Variants in CLPX observed in about 807,000 individuals in gnomAD.
The protein encoded by CLPX is caseinolytic mitochondrial matrix peptidase chaperone subunit X, also known as ATP-dependent clpX-like chaperone, mitochondrial.
CLPX carries 34 observed loss-of-function variants against 76.4 expected under a neutral mutation model. That is an observed-to-expected ratio of 0.45 (90% CI 0.34 to 0.59). CLPX has a LOEUF of 0.59. Ranked by LOEUF, CLPX falls within the 20% of genes least tolerant of loss-of-function variation. CLPX has a pLI of 0.01. For missense variants in CLPX, 613 were observed against 757.0 expected (o/e 0.81, Z 2.23); for synonymous variants, 248 against 270.9 (o/e 0.92, Z 0.83).
chr15:65,164,293 C>A lies in CLPX; in HGVS notation c.514-105G>T, dbSNP rs1055466486. On this transcript the variant is annotated intron_variant, in intron 4 of 13. Transcript: ENST00000300107. ...ATTTGCTTACAGTTTTAAATCTGAA[C>A]AAAGACTCTCATTAAAAACAAAATG... 67 of 852,270 alleles carry A rather than the reference C, an allele frequency of 7.9e-5. No homozygotes were observed. The Admixed American group carries it at 1.9e-3, about 25-fold the overall frequency. 52.8% of individuals were successfully genotyped at this position (852,270 alleles called of 1,614,324 possible). A position where few individuals can be genotyped will look rare whatever the true frequency, so the allele number is the denominator to read the frequency against.
chr15:65,153,650 A>G lies in CLPX; in HGVS notation c.1612-11T>C. ...AACATTCAGTTCACACTACAAATAC[A>G]TTAAAAATAAATTATAACTTTTATT... On this transcript the variant is annotated splice_polypyrimidine_tract_variant and intron_variant, in intron 11 of 13. Transcript: ENST00000300107. The G allele has an allele frequency of 7.1e-7, 1 of 1,416,510 alleles. No homozygotes were observed. Among genetic ancestry groups the G allele is most frequent in the Non-Finnish European group, 9.6e-7 (1 of 1,040,312 alleles). 87.7% of individuals were successfully genotyped at this position (1,416,510 alleles called of 1,614,324 possible).
rs2087766829 is a variant in CLPX at position 65,154,892 on chromosome 15, G to A, written c.1501C>T (p.Pro501Ser). 1.9e-6 allele frequency: 3 copies of A among 1,614,114 alleles called. No individual in the cohort carries two copies. Among genetic ancestry groups the A allele is most frequent in the Non-Finnish European group, 2.5e-6 (3 of 1,180,022 alleles). ...GMIPEFVGRL[P>S]VVVPLHSLDE... ...AGGCTATGCAATGGAACCACCACAG[G>A]CAACCGTCCCACAAACTCAGGAATC... Residue 501 changes from proline to serine, a missense_variant, in exon 11 of 14, where the codon CCT becomes TCT. Physicochemically the swap from Pro to Ser is moderately conservative, Grantham distance 74 (BLOSUM62 -1). Coordinates refer to ENST00000300107, the MANE Select transcript of CLPX (RefSeq NM_006660.5).
chr15:65,155,990 C>T, intron 9 of CLPX, 134 bp from the exon 10 acceptor site: 1 of 668,572 alleles, frequency 1.5e-6, no homozygotes, highest in Non-Finnish European at 2.5e-6. Context: ...CTCCCACATT[C>T]CTATAACTAA....
intron 3 of CLPX, among the ~76,000 whole-genome samples, chr15:65,172,969 T>C (rs1254520488): frequency 6.6e-6 from 1 of 152,136 alleles, no homozygotes; most frequent in Non-Finnish European, 1.5e-5. Flanking sequence ...CAGCTATGAT[T>C]GCGCCACTGC....
At position 65,166,639 on chromosome 15, in the gene CLPX, G is replaced by C; in HGVS notation, c.505C>G (p.Pro169Ala). The C allele has an allele frequency of 6.2e-7, 1 of 1,613,974 alleles. No individual in the cohort carries two copies. Among genetic ancestry groups the C allele is most frequent in the South Asian group, 1.1e-5 (1 of 91,072 alleles). Reference protein sequence around the residue: ...LAFQQKPPPPPKKIYNYLDKY... With the variant: ...LAFQQKPPPPAKKIYNYLDKY... ...GAGCTTAAGACTTATACCTTCTTAG[G>C]GGGAGGTGGTGGTTTCTGTTGGAAT... The change falls in exon 4 of 14, where the codon CCT (proline) becomes GCT (alanine). Residue 169 changes from proline (P) to alanine (A), a missense_variant. By Grantham distance (27) the Pro-to-Ala change is conservative. Around this residue, in one of 2 missense-constraint regions of CLPX, gnomAD observed 450 missense variants for 638.6 expected, o/e 0.70. Transcript: ENST00000300107.
intron 3 of CLPX, among the ~76,000 whole-genome samples, chr15:65,167,073 T>G (rs1032237315): frequency 3.4e-5 from 5 of 147,338 alleles, no homozygotes; most frequent in Admixed American, 6.7e-5. Flanking sequence ...CTAAAAAAGA[T>G]TTTTTTTTTT....
chr15:65,172,994 G>A (rs550835304), intron 3 of CLPX, among the ~76,000 whole-genome samples: 8 of 152,280 alleles, frequency 5.3e-5, no homozygotes, highest in South Asian at 4.1e-4. Flanking sequence ...TAGCCTGGGC[G>A]ACAGAGCAAG....
chr15:65,183,460 C>CAGAAAA (rs2088206630), intron 1 of CLPX, among the ~76,000 whole-genome samples: 1 of 66,268 alleles, frequency 1.5e-5, no homozygotes, highest in African/African-American at 6.3e-5. Context: ...GACTCTGTCT[C>CAGAAAA]AAAAAAAAAA....
chr15:65,180,968 G>C (rs1205369052), intron 1 of CLPX, among the ~76,000 whole-genome samples: 2 of 151,374 alleles, frequency 1.3e-5, no homozygotes, highest in East Asian at 3.9e-4. Context: ...GGTCAGGCGC[G>C]GTGGCTCATG....
intron 9 of CLPX, chr15:65,156,561 C>T: frequency 2.8e-6 from 1 of 355,804 alleles, no homozygotes; most frequent in Admixed American, 4.4e-5. Flanking sequence ...CAAAAGTCTT[C>T]TAGAAATGTT....
chr15:65,172,174 G>A (rs953920088), intron 3 of CLPX, among the ~76,000 whole-genome samples: 70 of 152,142 alleles, frequency 4.6e-4, no homozygotes, highest in African/African-American at 1.5e-3. Context: ...TGTTGGTCAG[G>A]CTGGTCTCAA....
At position 65,155,094 on chromosome 15, in the gene CLPX, T is replaced by G; in HGVS notation, c.1312-13A>C. The G allele has an allele frequency of 6.2e-7, 1 of 1,604,140 alleles. No homozygotes were observed. On this transcript the variant is annotated splice_polypyrimidine_tract_variant and intron_variant, in intron 10 of 13. Coordinates refer to ENST00000300107, the MANE Select transcript of CLPX (RefSeq NM_006660.5). ...CAAATCCAAGATACTGCCAAAGAAATGATGCATATTTATAATTAGTAGAAT... is the reference window on the plus strand; with the variant it reads ...CAAATCCAAGATACTGCCAAAGAAAGGATGCATATTTATAATTAGTAGAAT...
At chr15:65,152,362 C>A in intron 13 of CLPX, 68 bp downstream of exon 13, 2 of 607,348 alleles carry the variant, frequency 3.3e-6, no homozygotes, top group Non-Finnish European at 5.5e-6. Flanking sequence ...AATGACAAAC[C>A]AATAAACATA....
At position 65,149,860 on chromosome 15, in the gene CLPX, T is replaced by TAAAA. The variant is rs36113271; in HGVS notation, c.*959_*962dup. 34 of 118,704 alleles carry TAAAA rather than the reference T, an allele frequency of 2.9e-4. No homozygotes were observed. The highest frequency in any genetic ancestry group is 3.2e-4 in the Non-Finnish European group (19 of 59,760). 7.4% of individuals were successfully genotyped at this position (118,704 alleles called of 1,614,324 possible). ...GGGACAGCGTGAGACTCCGCTCAATTAAAAAAAAAAAAAAAAAAAAGATGG... is the reference window on the plus strand; with the variant it reads ...GGGACAGCGTGAGACTCCGCTCAATTAAAAAAAAAAAAAAAAAAAAAAAAGATGG... On this transcript the variant is annotated 3_prime_UTR_variant, in exon 14 of 14. Transcript: ENST00000300107.
intron 3 of CLPX, among the ~76,000 whole-genome samples, chr15:65,175,698 C>T (rs2088082192): frequency 6.6e-6 from 1 of 152,106 alleles, no homozygotes; most frequent in South Asian, 2.1e-4. Context: ...CGTCATGACG[C>T]ACTCAAAAGG....
intron 3 of CLPX, among the ~76,000 whole-genome samples, chr15:65,173,355 G>C (rs1311973270): frequency 7.9e-6 from 1 of 126,150 alleles, no homozygotes. Flanking sequence ...GACAGAGTGA[G>C]ACTCTGTCTC....
rs28452222 is a variant in CLPX at position 65,149,083 on chromosome 15, G to C, written c.*1740C>G. The C allele has an allele frequency of 6.6e-6, 1 of 152,152 alleles. No homozygotes were observed. The highest frequency in any genetic ancestry group is 1.5e-5 in the Non-Finnish European group (1 of 68,030). 9.4% of individuals were successfully genotyped at this position (152,152 alleles called of 1,614,324 possible). A position where few individuals can be genotyped will look rare whatever the true frequency, so the allele number is the denominator to read the frequency against. On this transcript the variant is annotated 3_prime_UTR_variant, in exon 14 of 14. Coordinates refer to ENST00000300107, the MANE Select transcript of CLPX (RefSeq NM_006660.5). ...ACCAAAAAACAAAACAAAAAAACTA[G>C]CTCAATACTTCAGGTTAAATACACA...
At chr15:65,155,485 C>A (rs1432606101) in intron 10 of CLPX, among the ~76,000 whole-genome samples, 3 of 152,108 alleles carry the variant, frequency 2.0e-5, no homozygotes, top group East Asian at 3.9e-4. Flanking sequence ...TGAGCTCAGG[C>A]AATCTGCCCA....
Position 65,185,235 on chromosome 15 carries a change from G to A in CLPX, c.-82C>T. The A allele has an allele frequency of 5.6e-6, 7 of 1,239,214 alleles. No individual in the cohort carries two copies. The highest frequency in any genetic ancestry group is 8.0e-6 in the Non-Finnish European group (7 of 875,380). 76.8% of individuals were successfully genotyped at this position (1,239,214 alleles called of 1,614,324 possible). A position where few individuals can be genotyped will look rare whatever the true frequency, so the allele number is the denominator to read the frequency against. ...GTGAATCCTGCCCGCAAGGCGCGCT[G>A]ACTCGGTTCCGAACCCTTTCGCGGG... On this transcript the variant is annotated 5_prime_UTR_variant, in exon 1 of 14. Transcript: ENST00000300107.
Sources: gnomAD v4.1 joint callset for allele counts (sites outside exome capture counted in the v4.1 genomes callset) on GRCh38, gnomAD v4.1.1 for gene constraint, gnomAD v4.1.1 regional missense constraint, MANE v1.5 for transcripts, NCBI Gene and HGNC (gene_info 2026-07-23, HGNC 2026-07-21) for gene names.